Variants in NBEA observed in about 807,000 individuals in gnomAD.
The protein encoded by NBEA is neurobeachin.
Under a neutral mutation model 343.4 loss-of-function variants are expected in NBEA, and 44 were observed. The ratio of observed to expected loss-of-function variants is 0.13; its 90% CI spans 0.10 to 0.16. The LOEUF (loss-of-function observed/expected upper bound fraction) is 0.16, where lower values mean the gene tolerates loss of function less well. NBEA is among the 10% of genes least tolerant of loss of function. The pLI is 1.00. For synonymous variants in NBEA, 1,175 were observed against 1,238.7 expected (o/e 0.95, Z 1.08); for missense variants, 2,555 against 3,631.3 (o/e 0.70, Z 7.62).
intron 35 of NBEA, among the ~76,000 whole-genome samples, chr13:35,304,327 T>TTG (rs2036743476): frequency 7.0e-6 from 1 of 143,370 alleles, no homozygotes; most frequent in Non-Finnish European, 1.5e-5. Flanking sequence ...ACAAAAGCAA[T>TTG]TCTCTGTGTG....
chr13:35,242,732 T>C (rs2030534038), intron 34 of NBEA, among the ~76,000 whole-genome samples: 1 of 151,848 alleles, frequency 6.6e-6, no homozygotes, highest in African/African-American at 2.4e-5. Context: ...TGGGATGATA[T>C]ATTTAAAGTG....
intron 41 of NBEA, among the ~76,000 whole-genome samples, chr13:35,477,458 A>G (rs571854080): frequency 1.3e-5 from 2 of 152,340 alleles, no homozygotes; most frequent in South Asian, 4.1e-4. Flanking sequence ...CAAGCAGGAC[A>G]CAACGCTATA....
At chr13:35,617,388 C>T (rs982321234) in intron 48 of NBEA, among the ~76,000 whole-genome samples, 1 of 152,190 alleles carries the variant, frequency 6.6e-6, no homozygotes, top group Non-Finnish European at 1.5e-5. Flanking sequence ...AAATGGATCA[C>T]GTGTAGGAGT....
At chr13:35,567,944 G>A (rs77426797) in intron 45 of NBEA, among the ~76,000 whole-genome samples, 3,872 of 152,174 alleles carry the variant, frequency 0.025, 160 homozygotes, top group African/African-American at 0.087. Context: ...AAACCTAGAC[G>A]TACCTAAGTT....
chr13:35,655,457 C>T (rs1288488550), intron 54 of NBEA, 122 bp from the exon 55 acceptor site: 1 of 1,121,418 alleles, frequency 8.9e-7, no homozygotes, highest in African/African-American at 1.6e-5. Flanking sequence ...GAACTTTTCA[C>T]AAAACTGGTA....
intron 34 of NBEA, among the ~76,000 whole-genome samples, chr13:35,284,758 T>A (rs1280102182): frequency 6.6e-6 from 1 of 152,154 alleles, no homozygotes; most frequent in East Asian, 1.9e-4. Context: ...GTGACTTACA[T>A]GGTAACATTG....
chr13:35,262,829 A>G (rs2033324304), intron 34 of NBEA, among the ~76,000 whole-genome samples: 1 of 152,216 alleles, frequency 6.6e-6, no homozygotes, highest in Non-Finnish European at 1.5e-5. Context: ...GCTGAAAGAC[A>G]TTAAAGGCAG....
intron 48 of NBEA, among the ~76,000 whole-genome samples, chr13:35,616,243 A>G (rs955952612): frequency 6.6e-6 from 1 of 152,174 alleles, no homozygotes; most frequent in Non-Finnish European, 1.5e-5. Flanking sequence ...AGTCTGTAAA[A>G]TTCCACCTGT....
At chr13:35,099,198 GTTT>G (rs760866538) in intron 11 of NBEA, among the ~76,000 whole-genome samples, 2 of 113,876 alleles carry the variant, frequency 1.8e-5, no homozygotes, top group Admixed American at 9.9e-5. Flanking sequence ...CCTGGCTAAA[GTTT>G]TTTTTTTTTT....
intron 34 of NBEA, among the ~76,000 whole-genome samples, chr13:35,244,192 A>G (rs2030811684): frequency 6.6e-6 from 1 of 151,960 alleles, no homozygotes; most frequent in African/African-American, 2.4e-5. Flanking sequence ...TAATAGAAAT[A>G]AAAAGTAGAA....
chr13:35,320,848 C>T (rs1024954290), intron 36 of NBEA, among the ~76,000 whole-genome samples: 1 of 151,930 alleles, frequency 6.6e-6, no homozygotes, highest in African/African-American at 2.4e-5. Flanking sequence ...TTAAGTTGAT[C>T]TTCAATCTCT....
intron 40 of NBEA, among the ~76,000 whole-genome samples, chr13:35,459,009 CCCCCCCCCCACA>C (rs2046752191): frequency 9.4e-6 from 1 of 106,260 alleles, no homozygotes; most frequent in South Asian, 3.5e-4. Context: ...ACCACCGCCC[CCCCCCCCCCACA>C]CACACACACA....
At chr13:35,300,131 A>G (rs2036439540) in intron 35 of NBEA, among the ~76,000 whole-genome samples, 1 of 152,144 alleles carries the variant, frequency 6.6e-6, no homozygotes, top group Non-Finnish European at 1.5e-5. Context: ...AAGCTCTTAG[A>G]ATCAGTTACA....
At chr13:35,179,158 A>C (rs1341067277) in intron 28 of NBEA, among the ~76,000 whole-genome samples, 1 of 151,616 alleles carries the variant, frequency 6.6e-6, no homozygotes, top group Non-Finnish European at 1.5e-5. Flanking sequence ...CTTTGGAAAG[A>C]TCTGGGTTTG....
intron 44 of NBEA, among the ~76,000 whole-genome samples, chr13:35,557,733 T>G (rs564513045): frequency 6.6e-6 from 1 of 152,238 alleles, no homozygotes; most frequent in African/African-American, 2.4e-5. Flanking sequence ...GAAATACACG[T>G]AAATAAGACA....
chr13:35,223,309 AT>A (rs2074476321), intron 33 of NBEA, among the ~76,000 whole-genome samples: 1 of 152,204 alleles, frequency 6.6e-6, no homozygotes, highest in Admixed American at 6.5e-5. Flanking sequence ...ATTTAAAAGT[AT>A]TCGTAGTACA....
At chr13:35,563,914 A>C (rs1010409365) in intron 44 of NBEA, among the ~76,000 whole-genome samples, 2 of 151,718 alleles carry the variant, frequency 1.3e-5, no homozygotes, top group African/African-American at 4.8e-5. Context: ...CAAGGAGTAC[A>C]TGTGCAGATT....
intron 41 of NBEA, among the ~76,000 whole-genome samples, chr13:35,506,808 T>G (rs4489875): frequency 0.082 from 12,525 of 152,190 alleles, 840 homozygotes; most frequent in East Asian, 0.2. Flanking sequence ...CTCCAAACCA[T>G]TTCTCAAATT....
chr13:35,217,944 A>T (rs1360504706), intron 33 of NBEA, among the ~76,000 whole-genome samples: 4 of 151,950 alleles, frequency 2.6e-5, no homozygotes, highest in Non-Finnish European at 4.4e-5. Flanking sequence ...GTTTTGGGAA[A>T]TTTTTTTCTT....
Sources: allele counts gnomAD v4.1 joint callset (sites outside exome capture counted in the v4.1 genomes callset), GRCh38; gene constraint gnomAD v4.1.1; transcripts MANE v1.5; gene names NCBI Gene and HGNC (gene_info 2026-07-23, HGNC 2026-07-21).